The following TAF3 variants were observed in gnomAD, a reference collection of about 807,000 sequenced individuals.
TAF3 encodes transcription initiation factor TFIID subunit 3.
In TAF3, 7 loss-of-function variants were observed where a neutral mutation model predicts 80.6. The ratio of observed to expected loss-of-function variants is 0.09; its 90% CI spans 0.05 to 0.16. TAF3 has a LOEUF of 0.16. Among genes scored for constraint, TAF3 ranks in the 10% least tolerant of loss-of-function variants. The pLI is 1.00. For missense variants in TAF3, 921 were observed against 1,140.2 expected (o/e 0.81, Z 2.77); for synonymous variants, 444 against 446.1 (o/e 1.00, Z 0.06).
At chr10:7,931,843 A>G (rs1837872160) in intron 2 of TAF3, among the ~76,000 whole-genome samples, 1 of 152,236 alleles carries the variant, frequency 6.6e-6, no homozygotes, top group African/African-American at 2.4e-5. Flanking sequence ...CTACCTGCTC[A>G]AAGTATTGTT....
chr10:7,832,325 A>G lies in TAF3; in HGVS notation c.409+7765A>G, dbSNP rs572270759. ...CTTCTGTGCCTGGCTTACTTCACTT[A>G]GCAGAATTGTTTGAATTCCATCTAT... On this transcript the variant is annotated intron_variant, in intron 2 of 6. Coordinates refer to ENST00000344293, the MANE Select transcript of TAF3 (RefSeq NM_031923.4). 2.0e-5 allele frequency among the ~76,000 whole-genome samples: 3 copies of G among 152,328 alleles called. No individual in the cohort carries two copies. The East Asian group carries it at 5.8e-4, about 29-fold the overall frequency.
intron 4 of TAF3, among the ~76,000 whole-genome samples, chr10:7,983,903 AAG>A (rs1250900381): frequency 3.9e-5 from 6 of 152,182 alleles, no homozygotes; most frequent in Admixed American, 3.3e-4. Flanking sequence ...CAATGACAAA[AAG>A]AATTTTAAGA....
At chr10:7,845,723 C>T (rs778367053) in intron 2 of TAF3, among the ~76,000 whole-genome samples, 1 of 152,164 alleles carries the variant, frequency 6.6e-6, no homozygotes, top group East Asian at 1.9e-4. Context: ...TGTATAATCT[C>T]AGCATCATTT....
chr10:7,901,696 G>A (rs1179438635), intron 2 of TAF3, among the ~76,000 whole-genome samples: 1 of 152,232 alleles, frequency 6.6e-6, no homozygotes, highest in Non-Finnish European at 1.5e-5. Flanking sequence ...AAAATGTGTT[G>A]GGAATACCCA....
intron 2 of TAF3, among the ~76,000 whole-genome samples, chr10:7,856,744 T>C (rs114035653): frequency 0.011 from 1,601 of 151,100 alleles, 26 homozygotes; most frequent in African/African-American, 0.037. Context: ...CATTTTGTTA[T>C]ACCAAGTAGC....
chr10:7,984,648 T>G (rs1831759525), intron 4 of TAF3, among the ~76,000 whole-genome samples: 1 of 152,202 alleles, frequency 6.6e-6, no homozygotes, highest in South Asian at 2.1e-4. Context: ...GACCACCTCT[T>G]TAGATATGAT....
intron 2 of TAF3, among the ~76,000 whole-genome samples, chr10:7,828,837 G>A (rs912117469): frequency 1.3e-5 from 2 of 151,778 alleles, no homozygotes; most frequent in African/African-American, 4.8e-5. Flanking sequence ...AGTTCAAGAC[G>A]AGCCTGGCCA....
chr10:7,828,808 C>T (rs183372694), intron 2 of TAF3, among the ~76,000 whole-genome samples: 12 of 151,714 alleles, frequency 7.9e-5, no homozygotes, highest in East Asian at 7.8e-4. Flanking sequence ...CCGAGGTGGG[C>T]GGATCACTTG....
At chr10:7,928,942 T>C (rs1462026259) in intron 2 of TAF3, among the ~76,000 whole-genome samples, 1 of 152,236 alleles carries the variant, frequency 6.6e-6, no homozygotes, top group African/African-American at 2.4e-5. Context: ...CAGAAGAATT[T>C]TTTTTAAGTG....
chr10:7,980,509 A>C (rs1161722531), intron 4 of TAF3, among the ~76,000 whole-genome samples: 2 of 152,182 alleles, frequency 1.3e-5, no homozygotes. Context: ...TAGTGTTAAA[A>C]TTCAAGATGA....
intron 1 of TAF3, among the ~76,000 whole-genome samples, chr10:7,821,052 A>C (rs1043668049): frequency 6.6e-6 from 1 of 152,208 alleles, no homozygotes; most frequent in African/African-American, 2.4e-5. Flanking sequence ...CATTTATACA[A>C]AACAGAAGGG....
intron 2 of TAF3, among the ~76,000 whole-genome samples, chr10:7,886,650 A>G (rs547409403): frequency 6.6e-6 from 1 of 152,326 alleles, no homozygotes; most frequent in African/African-American, 2.4e-5. Context: ...ACATATATAC[A>G]TCATAGCACA....
chr10:7,847,088 A>G (rs1836979685), intron 2 of TAF3, among the ~76,000 whole-genome samples: 1 of 152,236 alleles, frequency 6.6e-6, no homozygotes. Context: ...TATTAAACAA[A>G]TCAAAATAAA....
intron 2 of TAF3, among the ~76,000 whole-genome samples, chr10:7,847,673 G>A (rs758039837): frequency 2.0e-5 from 3 of 152,174 alleles, no homozygotes; most frequent in Admixed American, 6.5e-5. Flanking sequence ...TCAAACTCCT[G>A]GGTTCAAGTG....
intron 2 of TAF3, among the ~76,000 whole-genome samples, chr10:7,827,475 C>T (rs1281642564): frequency 6.6e-6 from 1 of 151,736 alleles, no homozygotes; most frequent in East Asian, 1.9e-4. Flanking sequence ...CATGAGACCT[C>T]ATCTCTACTA....
intron 2 of TAF3, among the ~76,000 whole-genome samples, chr10:7,924,358 A>C (rs1226808341): frequency 6.6e-6 from 1 of 152,226 alleles, no homozygotes; most frequent in Non-Finnish European, 1.5e-5. Flanking sequence ...TCGTCTGAGT[A>C]GTATGGGCTT....
chr10:7,998,477 G>T (rs1273931715), intron 4 of TAF3, among the ~76,000 whole-genome samples: 1 of 151,952 alleles, frequency 6.6e-6, no homozygotes, highest in Non-Finnish European at 1.5e-5. Flanking sequence ...GTTTCTATCT[G>T]TTGGCCACAC....
chr10:7,829,799 C>G (rs1194249409), intron 2 of TAF3, among the ~76,000 whole-genome samples: 6 of 152,168 alleles, frequency 3.9e-5, no homozygotes, highest in Non-Finnish European at 5.9e-5. Context: ...GTAGCCCGCC[C>G]TTAAGGAATG....
At chr10:8,014,152 G>A (rs1832082035) in intron 6 of TAF3, among the ~76,000 whole-genome samples, 1 of 152,216 alleles carries the variant, frequency 6.6e-6, no homozygotes, top group African/African-American at 2.4e-5. Context: ...TGTAGGAGCT[G>A]TAGCACTGGC....
Sources: allele counts gnomAD v4.1 joint callset (sites outside exome capture counted in the v4.1 genomes callset), GRCh38; gene constraint gnomAD v4.1.1; transcripts MANE v1.5; gene names NCBI Gene and HGNC (gene_info 2026-07-23, HGNC 2026-07-21).